LRMDA: variants seen among roughly 807,000 people sequenced by gnomAD.
LRMDA encodes the protein leucine-rich melanocyte differentiation-associated protein.
Under a neutral mutation model 29.8 loss-of-function variants are expected in LRMDA, and 18 were observed. The ratio of observed to expected loss-of-function variants is 0.60; its 90% CI spans 0.42 to 0.90. LRMDA has a LOEUF of 0.90. Ranked by LOEUF, LRMDA falls within the 40% of genes least tolerant of loss-of-function variation. The pLI is 0.00. For missense variants in LRMDA, 273 were observed against 273.9 expected (o/e 1.00, Z 0.02); for synonymous variants, 125 against 109.4 (o/e 1.14, Z -0.89).
intron 5 of LRMDA, among the ~76,000 whole-genome samples, chr10:76,177,415 C>A (rs1850960130): frequency 2.0e-5 from 3 of 151,364 alleles, no homozygotes; most frequent in East Asian, 1.9e-4. Flanking sequence ...AAAAAAACAA[C>A]AAAAAAACCT....
chr10:75,783,612 A>G (rs1843421968), intron 2 of LRMDA, among the ~76,000 whole-genome samples: 1 of 152,094 alleles, frequency 6.6e-6, no homozygotes, highest in Non-Finnish European at 1.5e-5. Context: ...TCCACGTGCC[A>G]TCCCTCCAAA....
intron 2 of LRMDA, among the ~76,000 whole-genome samples, chr10:75,669,182 TC>T (rs1451519012): frequency 6.6e-6 from 1 of 152,248 alleles, no homozygotes; most frequent in Non-Finnish European, 1.5e-5. Context: ...TGAATTGGTG[TC>T]ACCCTCGTTC....
At chr10:75,801,788 T>C (rs111979314) in intron 2 of LRMDA, among the ~76,000 whole-genome samples, 2,562 of 152,288 alleles carry the variant, frequency 0.017, 30 homozygotes, top group Middle Eastern at 0.037. Flanking sequence ...AGAAAAAATG[T>C]TATCTAATTT....
chr10:75,845,769 G>A (rs1045644329), intron 2 of LRMDA, among the ~76,000 whole-genome samples: 2 of 152,130 alleles, frequency 1.3e-5, no homozygotes, highest in Admixed American at 1.3e-4. Context: ...TGAATTTCCT[G>A]TAACTTGGAT....
intron 2 of LRMDA, among the ~76,000 whole-genome samples, chr10:75,995,945 A>C (rs1345260407): frequency 1.3e-5 from 2 of 152,188 alleles, no homozygotes; most frequent in Non-Finnish European, 1.5e-5. Flanking sequence ...GAGATAAAAT[A>C]ATTAAGTTTT....
At chr10:76,385,969 G>T (rs981007245) in intron 6 of LRMDA, among the ~76,000 whole-genome samples, 19 of 152,090 alleles carry the variant, frequency 1.2e-4, no homozygotes, top group Non-Finnish European at 2.9e-5. Context: ...AAATTTTACT[G>T]TAACAAGTAG....
chr10:76,235,698 A>G (rs922249439), intron 5 of LRMDA, among the ~76,000 whole-genome samples: 1 of 152,170 alleles, frequency 6.6e-6, no homozygotes, highest in Non-Finnish European at 1.5e-5. Context: ...ACAGGAGTAG[A>G]AGCTTGGAAT....
At chr10:76,352,375 A>G (rs1841187855) in intron 6 of LRMDA, among the ~76,000 whole-genome samples, 1 of 152,170 alleles carries the variant, frequency 6.6e-6, no homozygotes, top group Admixed American at 6.5e-5. Context: ...CTTTGGGGCC[A>G]TTATTAAGTA....
At chr10:75,813,098 G>T (rs1345623698) in intron 2 of LRMDA, among the ~76,000 whole-genome samples, 1 of 152,142 alleles carries the variant, frequency 6.6e-6, no homozygotes, top group Non-Finnish European at 1.5e-5. Context: ...GACAAGTGAG[G>T]GATCACTCAC....
chr10:75,852,798 CA>C (rs1208901866), intron 2 of LRMDA, among the ~76,000 whole-genome samples: 2 of 152,058 alleles, frequency 1.3e-5, no homozygotes, highest in South Asian at 2.1e-4. Flanking sequence ...GATGAGTGTT[CA>C]AAACTAGCTT....
chr10:75,634,779 T>A (rs943089747), intron 2 of LRMDA, among the ~76,000 whole-genome samples: 1 of 152,170 alleles, frequency 6.6e-6, no homozygotes, highest in African/African-American at 2.4e-5. Context: ...AGTTAAAATA[T>A]AGAAAAATTC....
chr10:76,075,195 T>G (rs1020936023), intron 5 of LRMDA, among the ~76,000 whole-genome samples: 1 of 152,220 alleles, frequency 6.6e-6, no homozygotes, highest in African/African-American at 2.4e-5. Flanking sequence ...CACCTCAGAT[T>G]GTGACTGCAT....
chr10:76,427,570 C>T (rs1372056635), intron 6 of LRMDA, among the ~76,000 whole-genome samples: 1 of 152,176 alleles, frequency 6.6e-6, no homozygotes, highest in Non-Finnish European at 1.5e-5. Flanking sequence ...TAGACTTCCT[C>T]TTTTCCTAAT....
At chr10:75,712,273 C>G (rs1212602673) in intron 2 of LRMDA, among the ~76,000 whole-genome samples, 1 of 152,154 alleles carries the variant, frequency 6.6e-6, no homozygotes, top group Non-Finnish European at 1.5e-5. Flanking sequence ...GCGTCTTTCT[C>G]TCTTCCATTC....
chr10:75,479,275 A>AGGCGG (rs1844830491), intron 2 of LRMDA, among the ~76,000 whole-genome samples: 1 of 152,128 alleles, frequency 6.6e-6, no homozygotes, highest in African/African-American at 2.4e-5. Context: ...TGGGAGGCCG[A>AGGCGG]GGCGGGTGGA....
chr10:76,458,980 G>A (rs2132306582), intron 6 of LRMDA, among the ~76,000 whole-genome samples: 1 of 152,258 alleles, frequency 6.6e-6, no homozygotes, highest in African/African-American at 2.4e-5. Context: ...TAAGAAATCA[G>A]TAAAATGTGA....
At chr10:75,591,277 C>T (rs1464671374) in intron 2 of LRMDA, among the ~76,000 whole-genome samples, 6 of 152,126 alleles carry the variant, frequency 3.9e-5, no homozygotes, top group Non-Finnish European at 5.9e-5. Context: ...CATGTTAAGA[C>T]TTGACAAAGT....
intron 5 of LRMDA, among the ~76,000 whole-genome samples, chr10:76,294,985 TG>T (rs1840394153): frequency 6.6e-6 from 1 of 152,108 alleles, no homozygotes. Context: ...GAAAAACTAA[TG>T]GGGATCTTCA....
chr10:75,486,648 G>A (rs952849008), intron 2 of LRMDA, among the ~76,000 whole-genome samples: 1 of 152,092 alleles, frequency 6.6e-6, no homozygotes, highest in African/African-American at 2.4e-5. Flanking sequence ...TCTGGTCTGG[G>A]GGGGGCAACA....
Sources: allele counts gnomAD v4.1 joint callset (sites outside exome capture counted in the v4.1 genomes callset), GRCh38; gene constraint gnomAD v4.1.1; transcripts MANE v1.5; gene names NCBI Gene and HGNC (gene_info 2026-07-23, HGNC 2026-07-21).